Variants in EDIL3 observed in about 807,000 individuals in gnomAD.
EDIL3 encodes EGF like and discoidin domains 3.
A neutral mutation model predicts 67.4 loss-of-function variants in EDIL3; 37 were observed. The observed-to-expected ratio is 0.55, with a 90% CI of 0.42 to 0.72. The LOEUF (loss-of-function observed/expected upper bound fraction) is 0.72, where lower values mean the gene tolerates loss of function less well. Ranked by LOEUF, EDIL3 falls within the 30% of genes least tolerant of loss-of-function variation. The pLI is 0.00. For synonymous variants in EDIL3, 195 were observed against 196.3 expected, an observed-to-expected ratio of 0.99 and a Z score of 0.05; for missense variants, 527 against 586.3, an observed-to-expected ratio of 0.90 and a Z score of 1.04.
intron 4 of EDIL3, 145 bp downstream of exon 4, chr5:84,180,248 T>C: frequency 1.2e-6 from 1 of 849,230 alleles, no homozygotes; most frequent in Non-Finnish European, 1.7e-6. Context: ...ACATGGTGTA[T>C]TCCATGGGAG....
At chr5:84,237,659 T>C (rs1744706792) in intron 2 of EDIL3, among the ~76,000 whole-genome samples, 1 of 152,156 alleles carries the variant, frequency 6.6e-6, no homozygotes, top group African/African-American at 2.4e-5. Context: ...TCTAATACTT[T>C]TATTAAATAA....
intron 5 of EDIL3, among the ~76,000 whole-genome samples, chr5:84,115,750 C>T (rs982081926): frequency 1.3e-5 from 2 of 152,142 alleles, no homozygotes; most frequent in African/African-American, 4.8e-5. Context: ...AATTCAAAAA[C>T]CTGTAGCTGT....
intron 1 of EDIL3, among the ~76,000 whole-genome samples, chr5:84,372,975 C>CTT (rs1190992004): frequency 2.6e-5 from 4 of 152,052 alleles, no homozygotes; most frequent in Non-Finnish European, 4.4e-5. Context: ...CTCCAGGATA[C>CTT]CTTGCAGCCC....
At chr5:84,354,010 T>A (rs1447493826) in intron 1 of EDIL3, among the ~76,000 whole-genome samples, 3 of 152,282 alleles carry the variant, frequency 2.0e-5, no homozygotes, top group Middle Eastern at 6.8e-3. Flanking sequence ...AGTTTTTGCC[T>A]CCATGAGAAA....
In EDIL3 at chr5:84,244,936, G is replaced by A. The variant is rs114988809; in HGVS notation, c.196+9148C>T. Among the ~76,000 whole-genome samples, 462 of 152,342 alleles carry A rather than the reference G, an allele frequency of 3.0e-3. 4 individuals carry two copies. The highest frequency in any genetic ancestry group is 0.011 in the African/African-American group (447 of 41,582). On this transcript the variant is annotated intron_variant, in intron 2 of 10. Transcript: ENST00000296591. Reference sequence around the variant, plus strand: ...CATATGCAAGGGATGTAGGTTGCGTGCTCCTTATGAGAATCTAATGCCAAC... The same window carrying A: ...CATATGCAAGGGATGTAGGTTGCGTACTCCTTATGAGAATCTAATGCCAAC...
intron 1 of EDIL3, among the ~76,000 whole-genome samples, chr5:84,349,427 C>G (rs1436115653): frequency 1.3e-5 from 2 of 152,104 alleles, no homozygotes; most frequent in African/African-American, 4.8e-5. Context: ...CAGTAGTAAT[C>G]CACTTAACCA....
chr5:84,378,451 C>T (rs925033814), intron 1 of EDIL3, among the ~76,000 whole-genome samples: 7 of 152,064 alleles, frequency 4.6e-5, no homozygotes, highest in Admixed American at 3.3e-4. Context: ...ATATACTATT[C>T]GAGTCTCCTC....
chr5:84,031,139 T>C (rs1251036194), intron 9 of EDIL3, among the ~76,000 whole-genome samples: 2 of 152,160 alleles, frequency 1.3e-5, no homozygotes, highest in South Asian at 2.1e-4. Context: ...CCTTATGACA[T>C]CATTTTACCC....
At chr5:84,134,861 G>A (rs1426581007) in intron 5 of EDIL3, among the ~76,000 whole-genome samples, 3 of 152,072 alleles carry the variant, frequency 2.0e-5, no homozygotes, top group African/African-American at 7.2e-5. Flanking sequence ...ACAGTTGAAG[G>A]GAGGCATGCC....
chr5:84,295,294 C>T (rs954243243), intron 1 of EDIL3, among the ~76,000 whole-genome samples: 1 of 151,892 alleles, frequency 6.6e-6, no homozygotes, highest in Non-Finnish European at 1.5e-5. Context: ...AAGGATGTTA[C>T]CCACTCTAAA....
intron 9 of EDIL3, among the ~76,000 whole-genome samples, chr5:84,012,255 C>A (rs192079481): frequency 2.6e-5 from 4 of 152,214 alleles, no homozygotes; most frequent in Admixed American, 2.0e-4. Context: ...AACTATTTAA[C>A]CATTTGATTT....
intron 9 of EDIL3, among the ~76,000 whole-genome samples, chr5:83,968,515 A>AT (rs1025598641): frequency 6.6e-5 from 10 of 151,976 alleles, no homozygotes; most frequent in African/African-American, 1.4e-4. Flanking sequence ...GTGTTATGGT[A>AT]TTTTTTTCAC....
At chr5:84,371,824 G>T (rs997165914) in intron 1 of EDIL3, among the ~76,000 whole-genome samples, 6 of 151,848 alleles carry the variant, frequency 4.0e-5, no homozygotes, top group Non-Finnish European at 8.8e-5. Flanking sequence ...AAAATGTGTG[G>T]CCTGACAGAA....
At chr5:84,033,870 T>A (rs1273284728) in intron 9 of EDIL3, among the ~76,000 whole-genome samples, 1 of 151,924 alleles carries the variant, frequency 6.6e-6, no homozygotes, top group Non-Finnish European at 1.5e-5. Context: ...GGACTCTGAG[T>A]TGTATGTGAC....
At chr5:84,065,068 A>G (rs548653539) in intron 7 of EDIL3, among the ~76,000 whole-genome samples, 3 of 152,318 alleles carry the variant, frequency 2.0e-5, no homozygotes, top group African/African-American at 4.8e-5. Flanking sequence ...GACATGATCT[A>G]TATTCCACTG....
At chr5:84,287,898 G>A (rs1745840901) in intron 1 of EDIL3, among the ~76,000 whole-genome samples, 1 of 151,868 alleles carries the variant, frequency 6.6e-6, no homozygotes, top group South Asian at 2.1e-4. Context: ...TCAGTCCCTG[G>A]ACCTCTTGTC....
At chr5:84,201,964 T>C (rs748571972) in intron 3 of EDIL3, among the ~76,000 whole-genome samples, 4 of 151,944 alleles carry the variant, frequency 2.6e-5, no homozygotes, top group Admixed American at 6.6e-5. Context: ...AATAAAAAAT[T>C]GTGTTGTAAA....
intron 6 of EDIL3, among the ~76,000 whole-genome samples, chr5:84,096,542 T>C (rs1445824154): frequency 6.6e-6 from 1 of 152,212 alleles, no homozygotes; most frequent in African/African-American, 2.4e-5. Flanking sequence ...CTAATGCCTG[T>C]ATCACCACTG....
chr5:84,235,481 T>A (rs2218504), intron 2 of EDIL3, among the ~76,000 whole-genome samples: 1 of 151,968 alleles, frequency 6.6e-6, no homozygotes, highest in Non-Finnish European at 1.5e-5. Flanking sequence ...AAAACATAAT[T>A]TTGTACACAT....
Sources: gnomAD v4.1 joint callset for allele counts (sites outside exome capture counted in the v4.1 genomes callset) on GRCh38, gnomAD v4.1.1 for gene constraint, MANE v1.5 for transcripts, NCBI Gene and HGNC (gene_info 2026-07-23, HGNC 2026-07-21) for gene names.